Variants in KANK1 observed in about 807,000 individuals in gnomAD.
KANK1 encodes the protein KN motif and ankyrin repeat domains 1.
A neutral mutation model predicts 106.2 loss-of-function variants in KANK1; 109 were observed. That is an observed-to-expected ratio of 1.03 (90% CI 0.88 to 1.20). The LOEUF (loss-of-function observed/expected upper bound fraction) is 1.20. Among genes scored for constraint, KANK1 ranks in the 50% most tolerant of loss-of-function variants. The probability of loss-of-function intolerance (pLI) is 0.00; values close to 1 mark genes in which losing one functional copy is unlikely to be tolerated. For missense variants in KANK1, 2,399 were observed against 1,710.7 expected (o/e 1.40, Z -7.10); for synonymous variants, 873 against 652.2 (o/e 1.34, Z -5.16).
chr9:666,389 T>C (rs10975653), intron 1 of KANK1, among the ~76,000 whole-genome samples: 44,031 of 151,982 alleles, frequency 0.29, 6,943 homozygotes, highest in South Asian at 0.48. Flanking sequence ...ATCCTGTCGT[T>C]TACATTCAAA....
intron 1 of KANK1, among the ~76,000 whole-genome samples, chr9:643,381 G>GT (rs915168313): frequency 2.0e-5 from 3 of 150,570 alleles, no homozygotes; most frequent in African/African-American, 5.0e-5. Flanking sequence ...ACTCTTAAAT[G>GT]TTTTTTTGCA....
chr9:588,299 C>A (rs958024293), intron 1 of KANK1, among the ~76,000 whole-genome samples: 1 of 152,102 alleles, frequency 6.6e-6, no homozygotes, highest in Non-Finnish European at 1.5e-5. Flanking sequence ...ATCCCATCTC[C>A]TTTTATTAGA....
rs1836985208 is a variant in KANK1, at chr9:745,623, A to G, written c.*388A>G. On this transcript the variant is annotated 3_prime_UTR_variant, in exon 12 of 12. Transcript: ENST00000382297. ...TATGTACTAAATGTGGAACCATTAG[A>G]AAGTTCTTCCAAAATCTCATTCCAG... The G allele has an allele frequency of 6.5e-6, 1 of 154,784 alleles. No individual in the cohort carries two copies. 9.6% of individuals were successfully genotyped at this position (154,784 alleles called of 1,614,324 possible).
In KANK1 at chr9:730,164, A is replaced by G; in HGVS notation, c.2812A>G (p.Ser938Gly). ...EVGTSEGKPI[S>G]SLDAFPTQEG... ...GGGGACCTCAGAAGGAAAGCCAATC[A>G]GCAGCCTGGATGCCTTCCCCACTCA... Residue 938 changes from serine (S) to glycine (G), a missense_variant, in exon 4 of 12, where the codon AGC becomes GGC. Physicochemically the swap from Ser to Gly is moderately conservative, Grantham distance 56 (BLOSUM62 0). Transcript: ENST00000382297. 2 of 1,614,220 alleles carry G rather than the reference A, an allele frequency of 1.2e-6. No individual in the cohort carries two copies. Among genetic ancestry groups the G allele is most frequent in the Non-Finnish European group, 1.7e-6 (2 of 1,180,030 alleles).
chr9:708,997 G>C (rs1243017427), intron 2 of KANK1, among the ~76,000 whole-genome samples: 1 of 152,192 alleles, frequency 6.6e-6, no homozygotes, highest in Non-Finnish European at 1.5e-5. Flanking sequence ...TTAAATGTCT[G>C]GTTTAGCCTT....
intron 1 of KANK1, among the ~76,000 whole-genome samples, chr9:650,647 T>G (rs1263933597): frequency 6.6e-6 from 1 of 152,150 alleles, no homozygotes; most frequent in African/African-American, 2.4e-5. Flanking sequence ...CACCAGACCC[T>G]CAACTGGCAG....
chr9:535,835 T>C (rs1313627115), intron 1 of KANK1, among the ~76,000 whole-genome samples: 5 of 152,200 alleles, frequency 3.3e-5, no homozygotes, highest in Admixed American at 2.6e-4. Context: ...AAGCAGTCTT[T>C]ATTGTTTATA....
At chr9:638,613 A>G (rs1170178751) in intron 1 of KANK1, among the ~76,000 whole-genome samples, 1 of 152,210 alleles carries the variant, frequency 6.6e-6, no homozygotes, top group African/African-American at 2.4e-5. Flanking sequence ...GGCAAAGAAT[A>G]TGTTGGTTCT....
intron 1 of KANK1, among the ~76,000 whole-genome samples, chr9:508,566 TC>T (rs2058883101): frequency 6.8e-6 from 1 of 146,318 alleles, no homozygotes; most frequent in African/African-American, 2.8e-5. Flanking sequence ...TCTTGTCCAA[TC>T]ACTGCCCCTC....
At chr9:521,565 CTTTTTTTT>C (rs35143391) in intron 1 of KANK1, among the ~76,000 whole-genome samples, 3 of 118,802 alleles carry the variant, frequency 2.5e-5, no homozygotes, top group African/African-American at 9.7e-5. Flanking sequence ...CCTCCAGATT[CTTTTTTTT>C]TTTTTTTTTT....
rs1326986665 is a variant in KANK1, at chr9:608,028, A to ATTT, written c.-83-68860_-83-68859insTTT. Among the ~76,000 whole-genome samples, 143 of 84,324 alleles carry ATTT rather than the reference A, an allele frequency of 1.7e-3. 2 individuals are homozygous for ATTT. Among genetic ancestry groups the ATTT allele is most frequent in the Middle Eastern group, 6.3e-3 (1 of 160 alleles). 55.3% of individuals were successfully genotyped at this position (84,324 alleles called of 152,430 possible). On this transcript the variant is annotated intron_variant, in intron 1 of 11. Transcript: ENST00000382297. The stretch of plus-strand genomic sequence containing the variant: ...AACTTTCAGAATTATTATTATTATT[A>ATTT]TTATTATTTTTTTTTTTTTTGAGAC...
At chr9:744,827 T>C (rs1037922927) in intron 11 of KANK1, 135 of 1,425,120 alleles carry the variant, frequency 9.5e-5, no homozygotes, top group Non-Finnish European at 1.2e-4. Context: ...CAGCTTCCCA[T>C]AGAGGTTTTG....
At position 738,334 on chromosome 9, in the gene KANK1, A is replaced by G; in HGVS notation, c.3383A>G (p.Gln1128Arg). Residue 1128 changes from glutamine (Q) to arginine (R), a missense_variant, in exon 8 of 12, where the codon CAG becomes CGG. Physicochemically the swap from Gln to Arg is conservative, Grantham distance 43 (BLOSUM62 1). Transcript: ENST00000382297. The stretch of plus-strand genomic sequence containing the variant: ...CACGAGTGGTTCCGCGTGTCCAGTC[A>G]GAAGTCAGCCATTCCAGCCATGGTG... ...LQHEWFRVSS[Q>R]KSAIPAMVGD... is the part of the protein sequence containing the mutation. The G allele has an allele frequency of 6.2e-7, 1 of 1,614,166 alleles. No homozygotes were observed. Among genetic ancestry groups the G allele is most frequent in the Non-Finnish European group, 8.5e-7 (1 of 1,180,014 alleles).
intron 1 of KANK1, among the ~76,000 whole-genome samples, chr9:640,392 C>T (rs1448119627): frequency 5.9e-5 from 9 of 151,662 alleles, no homozygotes; most frequent in Admixed American, 2.0e-4. Context: ...CATGCCATCA[C>T]GCCCAGCTAA....
chr9:678,494 C>T (rs945122114), intron 2 of KANK1, among the ~76,000 whole-genome samples: 14 of 151,956 alleles, frequency 9.2e-5, no homozygotes, highest in Non-Finnish European at 1.8e-4. Context: ...TTTGGGAGGC[C>T]GAGGGGGATG....
chr9:738,859 G>A (rs956528397), intron 8 of KANK1, among the ~76,000 whole-genome samples: 1 of 152,238 alleles, frequency 6.6e-6, no homozygotes, highest in Non-Finnish European at 1.5e-5. Context: ...AGGAGGCAGA[G>A]TGCTGCTTAC....
intron 1 of KANK1, among the ~76,000 whole-genome samples, chr9:573,986 TTAA>T (rs1819881590): frequency 6.6e-6 from 1 of 152,234 alleles, no homozygotes; most frequent in African/African-American, 2.4e-5. Context: ...AACCAGGAGA[TTAA>T]TGGGCTGTGC....
intron 3 of KANK1, among the ~76,000 whole-genome samples, chr9:720,882 G>C (rs1352215235): frequency 6.6e-6 from 1 of 152,174 alleles, no homozygotes; most frequent in East Asian, 1.9e-4. Flanking sequence ...GCCCAGGGCT[G>C]TTAATTAAAC....
chr9:481,566 A>G (rs953698174), intron 3 of KANK1, among the ~76,000 whole-genome samples: 1 of 152,228 alleles, frequency 6.6e-6, no homozygotes, highest in Non-Finnish European at 1.5e-5. Context: ...CTACTTTAAA[A>G]TAAGATATGT....
Sources: gnomAD v4.1 joint callset for allele counts (sites outside exome capture counted in the v4.1 genomes callset) on GRCh38, gnomAD v4.1.1 for gene constraint, MANE v1.5 for transcripts, NCBI Gene and HGNC (gene_info 2026-07-23, HGNC 2026-07-21) for gene names.